Variants in KDM5C observed in about 807,000 individuals in gnomAD.
KDM5C encodes lysine-specific demethylase 5C.
KDM5C carries 16 observed loss-of-function variants against 110.6 expected under a neutral mutation model. That is an observed-to-expected ratio of 0.14 (90% CI 0.10 to 0.22). KDM5C has a LOEUF of 0.22. KDM5C is among the 10% of genes least tolerant of loss of function. The pLI is 1.00. For synonymous variants in KDM5C, 511 were observed against 520.4 expected (o/e 0.98, Z 0.24); for missense variants, 681 against 1,300.9 (o/e 0.52, Z 7.33).
chrX:53,208,663 G>A (rs1456304431), intron 12 of KDM5C, among the ~76,000 whole-genome samples: 6 of 101,136 alleles, frequency 5.9e-5, no homozygotes, highest in Admixed American at 1.1e-4. Flanking sequence ...GTGCCACCAC[G>A]CCCGGCTAAT....
chrX:53,190,373 C>A (rs137885297), downstream of KDM5C, among the ~76,000 whole-genome samples: 1 of 112,488 alleles, frequency 8.9e-6, no homozygotes, highest in African/African-American at 3.2e-5. Context: ...AAGGATGGGC[C>A]TATACCAGGG....
intron 25 of KDM5C, among the ~76,000 whole-genome samples, chrX:53,183,648 A>G (rs1292559707): frequency 1.9e-5 from 2 of 106,254 alleles, no homozygotes; most frequent in African/African-American, 6.9e-5. Context: ...AGCTCACTGC[A>G]ACCTCCGCCT....
rs149293316 is a variant in KDM5C at position 53,217,910 on chromosome X, C to G, written c.408G>C (p.Arg136=). ...GTGGATAGTTGAGGCGCTGGGCTAC[C>G]CGAGCCCACCGACGGTCCTTGCAGA... The part of the protein sequence containing the change: ...EAICKDRRWA[R]VAQRLNYPPG... The change falls in exon 4 of 26, where the codon CGG becomes CGC. Residue 136 remains arginine, a synonymous_variant. Coordinates refer to ENST00000375401, the MANE Select transcript of KDM5C (RefSeq NM_004187.5). 173 of 1,208,667 alleles carry G rather than the reference C, an allele frequency of 1.4e-4. No homozygotes were observed. In the African/African-American group the frequency reaches 2.7e-3, roughly 19 times the overall value.
At chrX:53,178,047 A>G (rs1933928643) in intron 25 of KDM5C, among the ~76,000 whole-genome samples, 1 of 111,117 alleles carries the variant, frequency 9.0e-6, no homozygotes, top group Admixed American at 9.6e-5. Flanking sequence ...TTGTTGAGAC[A>G]GGGTCTCACT....
rs1556844231 is a variant in KDM5C at position 53,204,597 on chromosome X, T to A, written c.1747-2624A>T. Among the ~76,000 whole-genome samples, 6 of 110,730 alleles carry A rather than the reference T, an allele frequency of 5.4e-5. No individual in the cohort carries two copies. The South Asian group carries it at 1.9e-3, about 35-fold the overall frequency. On this transcript the variant is annotated intron_variant, in intron 12 of 25. Coordinates refer to ENST00000375401, the MANE Select transcript of KDM5C (RefSeq NM_004187.5). ...TTGTAAGCTCCGCCTCACGGGTTCA[T>A]GCCATTCTCCTGCCTCAGCCTCCCG... is the stretch of plus-strand genomic sequence containing the variant.
chrX:53,204,038 G>C (rs1402746108), intron 12 of KDM5C, among the ~76,000 whole-genome samples: 1 of 110,893 alleles, frequency 9.0e-6, no homozygotes, highest in Non-Finnish European at 1.9e-5. Context: ...CCACTGCACC[G>C]CACTGGCCTC....
intron 25 of KDM5C, among the ~76,000 whole-genome samples, chrX:53,180,296 G>A (rs1556825428): frequency 9.0e-6 from 1 of 111,573 alleles, no homozygotes; most frequent in East Asian, 2.8e-4. Context: ...TGAATAGGTG[G>A]AACACAGAGG....
chrX:53,215,760 A>G (rs1556851461), intron 7 of KDM5C, 35 bp downstream of exon 7: 1 of 1,185,910 alleles, frequency 8.4e-7, no homozygotes, highest in Non-Finnish European at 1.1e-6. Flanking sequence ...AGGGACAAGA[A>G]GCAGAGCATT....
chrX:53,218,052 A>T (rs1556852937), intron 3 of KDM5C, 86 bp from the exon 4 acceptor site: 41 of 1,012,778 alleles, frequency 4.0e-5, no homozygotes, highest in Non-Finnish European at 1.4e-6. Flanking sequence ...CAAAAGGGCA[A>T]TGAGGGCAAC....
At chrX:53,197,065 G>A (rs1556837960) in intron 18 of KDM5C, 21 bp from the exon 19 acceptor site, 2 of 1,124,957 alleles carry the variant, frequency 1.8e-6, no homozygotes, top group Non-Finnish European at 2.4e-6. Flanking sequence ...ACAGGATGAA[G>A]AACAAACTCC....
chrX:53,198,951 C>A (rs1410657807), intron 15 of KDM5C, 26 bp downstream of exon 15: 1 of 1,210,406 alleles, frequency 8.3e-7, no homozygotes, highest in Non-Finnish European at 1.1e-6. Flanking sequence ...TCTTGCCCCA[C>A]TTCCTCCAGA....
exon 26 of KDM5C, among the ~76,000 whole-genome samples, chrX:53,176,378 A>G (rs923459284): frequency 1.1e-4 from 12 of 112,175 alleles, no homozygotes; most frequent in Non-Finnish European, 2.3e-4. Flanking sequence ...GGGTTTATAT[A>G]GTAGGGAAGG....
Position 53,218,257 on chromosome X carries a change from G to A in KDM5C, c.351+19C>T. On this transcript the variant is annotated intron_variant, in intron 3 of 25. Transcript: ENST00000375401. ...TTGGGGTTTGGTGGGAGGGGTGCTT[G>A]ACAAAAACCTGTTCTTACTTTGCTG... 8.3e-7 allele frequency: 1 copy of A among 1,211,317 alleles called. No homozygotes were observed. The highest frequency in any genetic ancestry group is 1.8e-5 in the South Asian group (1 of 56,930).
At chrX:53,197,109 A>G in intron 18 of KDM5C, 65 bp from the exon 19 acceptor site, 1 of 870,322 alleles carries the variant, frequency 1.1e-6, no homozygotes, top group Non-Finnish European at 1.6e-6. Flanking sequence ...CCACCACCAG[A>G]TGGAACCTTG....
At chrX:53,185,112 G>A (rs984062204) in intron 25 of KDM5C, among the ~76,000 whole-genome samples, 2 of 112,302 alleles carry the variant, frequency 1.8e-5, no homozygotes, top group Non-Finnish European at 3.8e-5. Flanking sequence ...AATACACTGT[G>A]GTAGAGACTA....
chrX:53,207,988 AAAG>A (rs1473356650), intron 12 of KDM5C, among the ~76,000 whole-genome samples: 1 of 108,651 alleles, frequency 9.2e-6, no homozygotes, highest in Non-Finnish European at 1.9e-5. Context: ...AAAAAAAAAA[AAAG>A]AAAAGAAAAT....
chrX:53,180,819 C>T (rs994600626), intron 25 of KDM5C, among the ~76,000 whole-genome samples: 4 of 104,442 alleles, frequency 3.8e-5, no homozygotes, highest in Non-Finnish European at 7.9e-5. Flanking sequence ...CTCCACCCCC[C>T]GGGGGTTCAC....
intron 12 of KDM5C, among the ~76,000 whole-genome samples, chrX:53,207,846 G>A (rs1171661573): frequency 9.2e-6 from 1 of 108,708 alleles, no homozygotes; most frequent in Non-Finnish European, 1.9e-5. Context: ...CTACTCGGGA[G>A]GCTGAGGCCG....
Position 53,208,803 on chromosome X carries a change from C to CT in KDM5C, c.1746+1610dup, listed in dbSNP as rs1569272309. On this transcript the variant is annotated intron_variant, in intron 12 of 25. Coordinates refer to ENST00000375401, the MANE Select transcript of KDM5C (RefSeq NM_004187.5). ...TACAGGCATGAGCCACCACACCCGG[C>CT]TCTTTTTTTTTTTTTTTTTTTTTTT... is the stretch of plus-strand genomic sequence containing the variant. Among the ~76,000 whole-genome samples the CT allele has an allele frequency of 6.3e-3, 298 of 47,010 alleles. 4 individuals carry two copies. Among genetic ancestry groups the CT allele is most frequent in the Non-Finnish European group, 0.01 (251 of 24,819 alleles). 40.8% of individuals were successfully genotyped at this position (47,010 alleles called of 115,157 possible). A position where few individuals can be genotyped will look rare whatever the true frequency, so the allele number is the denominator to read the frequency against.
Sources: gnomAD v4.1 joint callset for allele counts (sites outside exome capture counted in the v4.1 genomes callset) on GRCh38, gnomAD v4.1.1 for gene constraint, MANE v1.5 for transcripts, NCBI Gene and HGNC (gene_info 2026-07-23, HGNC 2026-07-21) for gene names.